S100Z: variants seen among roughly 807,000 people sequenced by gnomAD.
S100Z encodes the protein protein S100-Z.
A neutral mutation model predicts 8.5 loss-of-function variants in S100Z; 11 were observed. The observed-to-expected ratio is 1.30, with a 90% confidence interval of 0.82 to 2.15. The LOEUF is 2.15. Among genes scored for constraint, S100Z ranks in the 30% most tolerant of loss-of-function variants. The probability of loss-of-function intolerance (pLI) is 0.00; values close to 1 mark genes in which losing one functional copy is unlikely to be tolerated. For missense variants in S100Z, 126 were observed against 117.9 expected (o/e 1.07, Z -0.32); for synonymous variants, 34 against 43.8 (o/e 0.78, Z 0.89).
At chr5:76,886,491 A>C (rs1292966063) in intron 4 of S100Z, among the ~76,000 whole-genome samples, 1 of 152,100 alleles carries the variant, frequency 6.6e-6, no homozygotes, top group Non-Finnish European at 1.5e-5. Context: ...TGGTCTGAGG[A>C]CCCGAGGTCG....
chr5:76,902,834 C>T (rs1204031954), intron 4 of S100Z, among the ~76,000 whole-genome samples: 1 of 152,034 alleles, frequency 6.6e-6, no homozygotes, highest in Non-Finnish European at 1.5e-5. Flanking sequence ...AAACTATATA[C>T]GTTACCTTTC....
chr5:76,893,970 A>G (rs111360761), intron 4 of S100Z, among the ~76,000 whole-genome samples: 2,194 of 152,298 alleles, frequency 0.014, 60 homozygotes, highest in African/African-American at 0.049. Context: ...AATTATCTAA[A>G]TGGACTTCCT....
intron 4 of S100Z, among the ~76,000 whole-genome samples, chr5:76,907,214 G>A (rs571371065): frequency 4.0e-5 from 6 of 151,706 alleles, no homozygotes; most frequent in Non-Finnish European, 7.4e-5. Context: ...ATATGTGTGC[G>A]TCTATTTTGT....
intron 2 of S100Z, among the ~76,000 whole-genome samples, chr5:76,874,542 T>G (rs1421405799): frequency 6.6e-6 from 1 of 152,166 alleles, no homozygotes; most frequent in Non-Finnish European, 1.5e-5. Context: ...CCTTTGAATC[T>G]CTTGTCACTG....
At chr5:76,934,255 C>A in the S100Z span, among the ~76,000 whole-genome samples, 1 of 152,204 alleles carries the variant, frequency 6.6e-6, no homozygotes, top group Admixed American at 6.5e-5. Context: ...CTGGGCTCCA[C>A]CCTACTAAGA....
At chr5:76,935,368 C>A in the S100Z span, among the ~76,000 whole-genome samples, 18,405 of 152,218 alleles carry the variant, frequency 0.12, 1,191 homozygotes, top group African/African-American at 0.16. Context: ...TAATTTGACA[C>A]ATCATTGAGA....
intron 3 of S100Z, among the ~76,000 whole-genome samples, chr5:76,876,632 A>G (rs554996454): frequency 6.6e-6 from 1 of 152,248 alleles, no homozygotes; most frequent in South Asian, 2.1e-4. Flanking sequence ...CGGCCTCCCA[A>G]AGTGCTGAGA....
chr5:76,863,648 C>T (rs1751140341), intron 1 of S100Z, among the ~76,000 whole-genome samples: 2 of 152,034 alleles, frequency 1.3e-5, no homozygotes, highest in African/African-American at 2.4e-5. Context: ...ACGCCATTCT[C>T]CTGCCTCAGC....
intron 4 of S100Z, among the ~76,000 whole-genome samples, chr5:76,906,695 C>G (rs557546280): frequency 2.0e-5 from 3 of 150,722 alleles, no homozygotes; most frequent in Non-Finnish European, 4.4e-5. Context: ...TGCAGTAGTG[C>G]GATCTCAGCT....
At chr5:76,884,772 G>T (rs927556131) in intron 4 of S100Z, among the ~76,000 whole-genome samples, 3 of 152,154 alleles carry the variant, frequency 2.0e-5, no homozygotes, top group Admixed American at 2.0e-4. Flanking sequence ...GGAAGCAGAG[G>T]CTGAGGAAGA....
At chr5:76,928,826 A>G in the S100Z span, among the ~76,000 whole-genome samples, 2,852 of 152,302 alleles carry the variant, frequency 0.019, 98 homozygotes, top group African/African-American at 0.064. Flanking sequence ...TACAGCCTCA[A>G]ACTCCTGGGC....
chr5:76,937,905 C>A, the S100Z span, among the ~76,000 whole-genome samples: 20 of 152,028 alleles, frequency 1.3e-4, no homozygotes, highest in Non-Finnish European at 2.5e-4. Flanking sequence ...TCAAGATCAG[C>A]TGGGCCAACA....
chr5:76,908,541 C>T (rs1744537588), intron 4 of S100Z, among the ~76,000 whole-genome samples: 1 of 152,204 alleles, frequency 6.6e-6, no homozygotes. Flanking sequence ...CTCCTTTTGG[C>T]ACCTGGGCTC....
the S100Z span, among the ~76,000 whole-genome samples, chr5:76,938,077 G>A: frequency 6.6e-5 from 10 of 150,668 alleles, no homozygotes; most frequent in African/African-American, 2.4e-4. Context: ...CTGGGCAACA[G>A]TATGAGACTC....
chr5:76,947,002 C>A, the S100Z span, among the ~76,000 whole-genome samples: 1 of 152,218 alleles, frequency 6.6e-6, no homozygotes, highest in Non-Finnish European at 1.5e-5. Flanking sequence ...TACCCCCTGG[C>A]CTCTGGGCCT....
At chr5:76,946,031 T>C in the S100Z span, among the ~76,000 whole-genome samples, 1 of 152,206 alleles carries the variant, frequency 6.6e-6, no homozygotes, top group Non-Finnish European at 1.5e-5. Context: ...TGCAGGCATC[T>C]CGCTTTAGGC....
intron 1 of S100Z, among the ~76,000 whole-genome samples, chr5:76,851,600 CA>C (rs149921822): frequency 0.013 from 1,956 of 151,606 alleles, 52 homozygotes; most frequent in East Asian, 0.06. Context: ...ACTGGAGCAG[CA>C]AAAAAAGGGG....
intron 4 of S100Z, among the ~76,000 whole-genome samples, chr5:76,905,569 C>T (rs533350811): frequency 1.6e-4 from 25 of 152,088 alleles, no homozygotes; most frequent in African/African-American, 4.3e-4. Flanking sequence ...CCTACCACCA[C>T]GCCCGTCTAA....
At chr5:76,910,091 A>G (rs1744594607) in intron 4 of S100Z, among the ~76,000 whole-genome samples, 1 of 152,232 alleles carries the variant, frequency 6.6e-6, no homozygotes, top group Non-Finnish European at 1.5e-5. Context: ...CCTGTGTTCT[A>G]GAAGGACTAA....
Sources: allele counts gnomAD v4.1 joint callset (sites outside exome capture counted in the v4.1 genomes callset), GRCh38; gene constraint gnomAD v4.1.1; transcripts MANE v1.5; gene names NCBI Gene and HGNC (gene_info 2026-07-23, HGNC 2026-07-21).